Variants in ZBTB8A observed in about 807,000 individuals in gnomAD.
ZBTB8A encodes the protein zinc finger and BTB domain-containing protein 8A.
ZBTB8A carries 19 observed loss-of-function variants against 37.8 expected under a neutral mutation model. The observed-to-expected ratio is 0.50, with a 90% CI of 0.35 to 0.74. The LOEUF (loss-of-function observed/expected upper bound fraction) is 0.74, where lower values mean the gene tolerates loss of function less well. Among genes scored for constraint, ZBTB8A ranks in the 30% least tolerant of loss-of-function variants. ZBTB8A has a pLI of 0.01. For synonymous variants in ZBTB8A, 181 were observed against 185.2 expected, an observed-to-expected ratio of 0.98 and a Z score of 0.19; for missense variants, 394 against 537.8, an observed-to-expected ratio of 0.73 and a Z score of 2.65.
intron 1 of ZBTB8A, among the ~76,000 whole-genome samples, chr1:32,546,455 TAAATA>T (rs1483816169): frequency 7.8e-6 from 1 of 127,908 alleles, no homozygotes; most frequent in Admixed American, 7.4e-5. Context: ...AAAAAAAAAA[TAAATA>T]AATAAATAAA....
intron 2 of ZBTB8A, among the ~76,000 whole-genome samples, chr1:32,576,880 CTTTTTTTTTT>C: frequency 9.5e-6 from 1 of 104,930 alleles, no homozygotes; most frequent in African/African-American, 3.6e-5. Flanking sequence ...TTTTTTTTTT[CTTTTTTTTTT>C]GAGATTGAGT....
chr1:32,596,511 G>T (rs1231579479), intron 4 of ZBTB8A, among the ~76,000 whole-genome samples: 1 of 152,112 alleles, frequency 6.6e-6, no homozygotes, highest in East Asian at 1.9e-4. Context: ...AACCCAGGAA[G>T]TGGAGGTTAC....
chr1:32,559,845 A>G (rs1644230393), intron 2 of ZBTB8A, among the ~76,000 whole-genome samples: 1 of 152,108 alleles, frequency 6.6e-6, no homozygotes, highest in Non-Finnish European at 1.5e-5. Context: ...GGGAGGAACT[A>G]GTGGTTTTAT....
At chr1:32,540,099 T>C (rs1398472459) in intron 1 of ZBTB8A, among the ~76,000 whole-genome samples, 1 of 152,082 alleles carries the variant, frequency 6.6e-6, no homozygotes, top group Non-Finnish European at 1.5e-5. Context: ...TATGTCAAGA[T>C]GCGACATCTG....
rs1467016225 is a variant in ZBTB8A, at chr1:32,604,188, T to C, written c.*3769T>C. 1 of 152,112 alleles carries C rather than the reference T, an allele frequency of 6.6e-6. No individual in the cohort carries two copies. Among genetic ancestry groups the C allele is most frequent in the African/African-American group, 2.4e-5 (1 of 41,410 alleles). The allele number at this position is 152,112 out of a possible 1,614,324, so 9.4% of individuals were successfully genotyped here. ...GAGTGTCTGGGTATAGGATGAAGCA[T>C]TACAAAAAGAAAGCACCACTGCAGT... is the stretch of plus-strand genomic sequence containing the variant. On this transcript the variant is annotated 3_prime_UTR_variant, in exon 5 of 5. Coordinates refer to ENST00000373510, the MANE Select transcript of ZBTB8A (RefSeq NM_001040441.3).
At chr1:32,595,855 A>T (rs540398104) in intron 4 of ZBTB8A, among the ~76,000 whole-genome samples, 1 of 151,612 alleles carries the variant, frequency 6.6e-6, no homozygotes, top group South Asian at 2.1e-4. Flanking sequence ...ATGGGGTTTC[A>T]TCATGTTGCC....
At chr1:32,583,482 T>G (rs549156812) in intron 2 of ZBTB8A, among the ~76,000 whole-genome samples, 2 of 152,072 alleles carry the variant, frequency 1.3e-5, no homozygotes, top group Admixed American at 1.3e-4. Flanking sequence ...AAGACTAGAT[T>G]AGATTATTCC....
chr1:32,560,969 A>G (rs543298919), intron 2 of ZBTB8A, among the ~76,000 whole-genome samples: 2 of 151,792 alleles, frequency 1.3e-5, no homozygotes, highest in Non-Finnish European at 1.5e-5. Context: ...CTAGATTACA[A>G]CTGCCTCCTG....
intron 1 of ZBTB8A, among the ~76,000 whole-genome samples, chr1:32,548,091 C>G (rs906137354): frequency 1.4e-5 from 2 of 144,970 alleles, no homozygotes; most frequent in African/African-American, 5.1e-5. Flanking sequence ...CGAGATTGCA[C>G]CACTGCACTC....
chr1:32,576,311 C>G (rs1252872609), intron 2 of ZBTB8A, among the ~76,000 whole-genome samples: 1 of 152,162 alleles, frequency 6.6e-6, no homozygotes. Flanking sequence ...AAGAACCTTA[C>G]AGTATATTTC....
rs1262292456 is a variant in ZBTB8A, at chr1:32,558,738, A to G, written c.-2+5198A>G. On this transcript the variant is annotated intron_variant, in intron 2 of 4. Coordinates refer to ENST00000373510, the MANE Select transcript of ZBTB8A (RefSeq NM_001040441.3). Reference sequence around the variant, plus strand: ...AGAAAGGAGACACAGATGAAGGAGTACATTTCAGCGGTTAAGAAAAGGCTG... The same window carrying G: ...AGAAAGGAGACACAGATGAAGGAGTGCATTTCAGCGGTTAAGAAAAGGCTG... Among the ~76,000 whole-genome samples, 7 of 152,328 alleles carry G rather than the reference A, an allele frequency of 4.6e-5. No homozygotes were observed. In the East Asian group the frequency reaches 1.3e-3, roughly 29 times the overall value.
At chr1:32,558,445 A>G (rs1644219669) in intron 2 of ZBTB8A, among the ~76,000 whole-genome samples, 2 of 142,376 alleles carry the variant, frequency 1.4e-5, no homozygotes, top group South Asian at 4.6e-4. Flanking sequence ...TTAAACACAC[A>G]CACACACACA....
intron 1 of ZBTB8A, among the ~76,000 whole-genome samples, chr1:32,540,294 A>G (rs1364728136): frequency 6.6e-6 from 1 of 151,368 alleles, no homozygotes; most frequent in African/African-American, 2.4e-5. Context: ...CAATGGCCCT[A>G]CTCCACATCA....
chr1:32,559,927 TA>T (rs1644231073), intron 2 of ZBTB8A, among the ~76,000 whole-genome samples: 1 of 152,200 alleles, frequency 6.6e-6, no homozygotes, highest in South Asian at 2.1e-4. Flanking sequence ...TGCATTGCTA[TA>T]AAGAAATACC....
At chr1:32,590,123 G>T (rs1441978387) in intron 2 of ZBTB8A, among the ~76,000 whole-genome samples, 2 of 151,062 alleles carry the variant, frequency 1.3e-5, no homozygotes, top group South Asian at 2.1e-4. Context: ...TATAGAGATG[G>T]GGATCTTACC....
Position 32,593,101 on chromosome 1 carries a change from C to A in ZBTB8A, c.170C>A (p.Ser57Ter). The part of the protein sequence containing the change: ...GYFKMLLSQN[S>*]KETSQPTTAT... ...TTTAAAATGCTTCTTTCTCAGAATT[C>A]AAAGGAGACGAGTCAGCCAACCACA... The change falls in exon 3 of 5, where the codon TCA (serine) becomes TAA (stop). Residue 57 changes from serine to a stop codon, truncating the protein, a stop_gained. Coordinates refer to ENST00000373510, the MANE Select transcript of ZBTB8A (RefSeq NM_001040441.3). LOFTEE classifies it high-confidence loss of function. 2 of 1,614,132 alleles carry A rather than the reference C, an allele frequency of 1.2e-6. No homozygotes were observed. Among genetic ancestry groups the A allele is most frequent in the Non-Finnish European group, 1.7e-6 (2 of 1,180,022 alleles).
At chr1:32,596,863 CTG>C (rs538309046) in intron 4 of ZBTB8A, among the ~76,000 whole-genome samples, 124 of 152,118 alleles carry the variant, frequency 8.2e-4, no homozygotes, top group Middle Eastern at 6.8e-3. Context: ...ATAATATAAA[CTG>C]TATAAATGCT....
intron 2 of ZBTB8A, among the ~76,000 whole-genome samples, chr1:32,555,364 G>T (rs1446762490): frequency 6.6e-6 from 1 of 152,042 alleles, no homozygotes; most frequent in Non-Finnish European, 1.5e-5. Context: ...ACTCCAGCCT[G>T]GGCGACAGAG....
chr1:32,600,065 C>A, intron 4 of ZBTB8A, 22 bp from the exon 5 acceptor site: 1 of 1,577,104 alleles, frequency 6.3e-7, no homozygotes, highest in Non-Finnish European at 8.6e-7. Context: ...TCACTTTTAT[C>A]ACTATTTAAA....
Sources: allele counts gnomAD v4.1 joint callset (sites outside exome capture counted in the v4.1 genomes callset), GRCh38; gene constraint gnomAD v4.1.1; transcripts MANE v1.5; gene names NCBI Gene and HGNC (gene_info 2026-07-23, HGNC 2026-07-21).